The following ANKH variants were observed in gnomAD, a reference collection of about 807,000 sequenced individuals.
ANKH encodes ANKH inorganic pyrophosphate transport regulator.
Under a neutral mutation model 49.0 loss-of-function variants are expected in ANKH, and 15 were observed. The ratio of observed to expected loss-of-function variants is 0.31; its 90% confidence interval spans 0.20 to 0.47. ANKH has a LOEUF of 0.47. Among genes scored for constraint, ANKH ranks in the 20% least tolerant of loss-of-function variants. ANKH has a pLI of 1.00. For missense variants in ANKH, 429 were observed against 652.0 expected, an observed-to-expected ratio of 0.66 and a Z score of 3.72; for synonymous variants, 273 against 260.0, an observed-to-expected ratio of 1.05 and a Z score of -0.48.
rs1737805407 is a variant in ANKH at position 14,725,820 on chromosome 5, A to G, written c.1012-8985T>C. Among the ~76,000 whole-genome samples the G allele has an allele frequency of 6.6e-6, 1 of 152,192 alleles. No individual in the cohort carries two copies. Among genetic ancestry groups the G allele is most frequent in the African/African-American group, 2.4e-5 (1 of 41,434 alleles). The stretch of plus-strand genomic sequence containing the variant: ...GAGTGCAGTGGCACGATCTTGGCTC[A>G]CTGCAATCTCCGCTTCCCGGGTTCA... On this transcript the variant is annotated intron_variant, in intron 8 of 11. Coordinates refer to ENST00000284268, the MANE Select transcript of ANKH (RefSeq NM_054027.6). The surrounding 1 kb of genome is among the most constrained non-coding windows in gnomAD (Gnocchi z 4.0).
chr5:14,711,254 G>C lies in ANKH; in HGVS notation c.1422C>G (p.Asp474Glu), dbSNP rs766275332. The change falls in exon 12 of 12, where the codon GAC (aspartate) becomes GAG (glutamate). Residue 474 changes from aspartate (D) to glutamate (E), a missense_variant. Around this residue, in one of 2 missense-constraint regions of ANKH, gnomAD observed 51 missense variants for 36.7 expected, o/e 1.39. Coordinates refer to ENST00000284268, the MANE Select transcript of ANKH (RefSeq NM_054027.6). ...CTGTCACCTCCTCTGTCGGAGGCAT[G>C]TCTGTCATGGCAGAGTCTTCCCCCT... is the stretch of plus-strand genomic sequence containing the variant. Reference protein sequence around the residue: ...ATEGEDSAMTDMPPTEEVTDI... With the variant: ...ATEGEDSAMTEMPPTEEVTDI... 2 of 1,614,122 alleles carry C rather than the reference G, an allele frequency of 1.2e-6. No homozygotes were observed. Among genetic ancestry groups the C allele is most frequent in the South Asian group, 1.1e-5 (1 of 91,074 alleles).
intron 4 of ANKH, among the ~76,000 whole-genome samples, chr5:14,755,653 A>G (rs1241831536): frequency 6.6e-6 from 1 of 152,200 alleles, no homozygotes; most frequent in Non-Finnish European, 1.5e-5. Context: ...TATTCTAGCA[A>G]GATTATACAT....
intron 8 of ANKH, among the ~76,000 whole-genome samples, chr5:14,721,911 C>G (rs1269374695): frequency 1.8e-5 from 2 of 110,616 alleles, no homozygotes; most frequent in Non-Finnish European, 3.3e-5. Context: ...GCCTGGGCGA[C>G]AGAGCGAGAC....
chr5:14,739,314 G>A (rs1738281709), intron 8 of ANKH, among the ~76,000 whole-genome samples: 2 of 152,158 alleles, frequency 1.3e-5, no homozygotes, highest in South Asian at 4.1e-4. Context: ...CTACTTGGTA[G>A]GCTGAGGCAG....
rs78308370 is a variant in ANKH at position 14,811,191 on chromosome 5, G to A, written c.97-42000C>T. On this transcript the variant is annotated intron_variant, in intron 1 of 11. Transcript: ENST00000284268. ...CAGTCACTCGGCTTTCAAGAGTCTC[G>A]GCTCTGCCAGTGAAACAAGCTCAGC... Among the ~76,000 whole-genome samples the A allele has an allele frequency of 4.2e-3, 634 of 152,226 alleles. 4 individuals are homozygous for A. Among genetic ancestry groups the A allele is most frequent in the Non-Finnish European group, 7.2e-3 (493 of 68,010 alleles).
chr5:14,716,808 T>G lies in ANKH; in HGVS notation c.1039A>C (p.Asn347His). 1 of 1,614,120 alleles carries G rather than the reference T, an allele frequency of 6.2e-7. No individual in the cohort carries two copies. Among genetic ancestry groups the G allele is most frequent in the South Asian group, 1.1e-5 (1 of 91,082 alleles). ...TLCFVMFWTP[N>H]VSEKILIDII... ...TCTATCAAGATTTTCTCAGACACGTTGGGTGTCCAAAACATCACGAAACAG... is the reference window on the plus strand; with the variant it reads ...TCTATCAAGATTTTCTCAGACACGTGGGGTGTCCAAAACATCACGAAACAG... The change falls in exon 9 of 12, where the codon AAC becomes CAC. Residue 347 changes from asparagine to histidine, a missense_variant. By Grantham distance (68) the Asn-to-His change is moderately conservative. Around this residue, in one of 2 missense-constraint regions of ANKH, gnomAD observed 378 missense variants for 615.3 expected, o/e 0.61. Transcript: ENST00000284268.
intron 2 of ANKH, among the ~76,000 whole-genome samples, chr5:14,761,665 G>T (rs993766604): frequency 3.9e-5 from 6 of 152,216 alleles, no homozygotes; most frequent in African/African-American, 1.2e-4. Context: ...GCCATAAAAT[G>T]CCATATGCTG....
chr5:14,714,571 C>T (rs1039676044), intron 9 of ANKH, among the ~76,000 whole-genome samples: 10 of 152,214 alleles, frequency 6.6e-5, no homozygotes, highest in South Asian at 4.2e-4. Context: ...AAGTCTTTGC[C>T]GTCTTCTTGG....
chr5:14,818,724 C>G (rs1238935686), intron 1 of ANKH, among the ~76,000 whole-genome samples: 2 of 151,214 alleles, frequency 1.3e-5, no homozygotes, highest in Admixed American at 6.6e-5. Context: ...GGCTTCCACA[C>G]CACCCCTAGT....
chr5:14,798,820 G>A (rs958195875), intron 1 of ANKH, among the ~76,000 whole-genome samples: 1 of 152,088 alleles, frequency 6.6e-6, no homozygotes. Context: ...CCTGTTACCT[G>A]AAACAAAACA....
chr5:14,749,387 T>C, intron 5 of ANKH, 81 bp from the exon 6 acceptor site: 1 of 1,505,006 alleles, frequency 6.6e-7, no homozygotes, highest in Non-Finnish European at 9.2e-7. Flanking sequence ...AAGCTTTTCC[T>C]TCGTATGTTA....
intron 1 of ANKH, among the ~76,000 whole-genome samples, chr5:14,846,152 C>T (rs1580113620): frequency 2.0e-5 from 3 of 152,092 alleles, no homozygotes; most frequent in Admixed American, 6.5e-5. Context: ...CCACCGCGCC[C>T]GGCCGTAAAA....
rs750098379 is a variant in ANKH, at chr5:14,713,024, AC to A, written c.1266-52del. 8.5e-4 allele frequency: 1,310 copies of A among 1,547,026 alleles called. 2 individuals carry two copies. The highest frequency in any genetic ancestry group is 1.1e-3 in the Non-Finnish European group (1,244 of 1,132,354). On this transcript the variant is annotated intron_variant, in intron 10 of 11. Coordinates refer to ENST00000284268, the MANE Select transcript of ANKH (RefSeq NM_054027.6). The surrounding 1 kb of genome is among the most constrained non-coding windows in gnomAD (Gnocchi z 4.4). The stretch of plus-strand genomic sequence containing the variant: ...TTGTCTGTTAAGGCCAAGTCAAGGC[AC>A]AACCGTCGATGCCAAAACCCAGGAA...
intron 8 of ANKH, among the ~76,000 whole-genome samples, chr5:14,734,722 T>C (rs1317770626): frequency 6.6e-6 from 1 of 152,196 alleles, no homozygotes; most frequent in Non-Finnish European, 1.5e-5. Context: ...GTCTTCCCTG[T>C]TGCTTTCAAA....
chr5:14,710,214 A>AAGTT lies in ANKH; in HGVS notation c.*979_*982dup, dbSNP rs956981428. On this transcript the variant is annotated 3_prime_UTR_variant, in exon 12 of 12. Transcript: ENST00000284268. ...GAACCAGGTAATATATCTACTTCAA[A>AAGTT]AGTTACCCTACAGCAACCTGGCATT... 2.0e-5 allele frequency: 3 copies of AAGTT among 152,180 alleles called. No homozygotes were observed. Among genetic ancestry groups the AAGTT allele is most frequent in the Non-Finnish European group, 2.9e-5 (2 of 68,028 alleles). 9.4% of individuals were successfully genotyped at this position (152,180 alleles called of 1,614,324 possible). A position where few individuals can be genotyped will look rare whatever the true frequency, so the allele number is the denominator to read the frequency against.
intron 1 of ANKH, among the ~76,000 whole-genome samples, chr5:14,862,083 G>A (rs747289435): frequency 2.0e-5 from 3 of 152,086 alleles, no homozygotes; most frequent in Non-Finnish European, 2.9e-5. Context: ...CAAAAATATG[G>A]AAATCAGCTG....
At chr5:14,825,920 G>C (rs374376903) in intron 1 of ANKH, 9 of 152,398 alleles carry the variant, frequency 5.9e-5, no homozygotes, top group African/African-American at 2.2e-4. Flanking sequence ...CTAGAGGTTA[G>C]GGTTAGAACC....
chr5:14,857,287 C>T (rs1735305472), intron 1 of ANKH, among the ~76,000 whole-genome samples: 1 of 152,162 alleles, frequency 6.6e-6, no homozygotes, highest in Admixed American at 6.5e-5. Flanking sequence ...CCTAGCCACA[C>T]ATGCAGTATA....
chr5:14,726,238 G>C (rs1487047704), intron 8 of ANKH, among the ~76,000 whole-genome samples: 1 of 152,224 alleles, frequency 6.6e-6, no homozygotes, highest in African/African-American at 2.4e-5. Flanking sequence ...TCCAGAGAGA[G>C]CTGACGCAGC....
Sources: allele counts gnomAD v4.1 joint callset (sites outside exome capture counted in the v4.1 genomes callset), GRCh38; gene constraint gnomAD v4.1.1; regional missense constraint gnomAD v4.1.1; non-coding constraint Gnocchi (gnomAD v3.1); transcripts MANE v1.5; gene names NCBI Gene and HGNC (gene_info 2026-07-23, HGNC 2026-07-21).